MGAM: variants seen among roughly 807,000 people sequenced by gnomAD.
The protein encoded by MGAM is maltase-glucoamylase, also known as alpha-1,4-glucosidase.
MGAM carries 253 observed loss-of-function variants against 358.8 expected under a neutral mutation model. That is an observed-to-expected ratio of 0.71 (90% confidence interval 0.64 to 0.78). The LOEUF (loss-of-function observed/expected upper bound fraction) is 0.78. MGAM is among the 30% of genes least tolerant of loss of function. MGAM has a pLI of 0.00. For synonymous variants in MGAM, 1,105 were observed against 1,227.1 expected, an observed-to-expected ratio of 0.90 and a Z score of 2.08; for missense variants, 3,080 against 3,432.6, an observed-to-expected ratio of 0.90 and a Z score of 2.57.
chr7:142,016,432 C>A, intron 3 of MGAM, among the ~76,000 whole-genome samples: 1 of 152,118 alleles, frequency 6.6e-6, no homozygotes, highest in East Asian at 1.9e-4. Context: ...CCTTGTGATT[C>A]TTTAAACTTT....
At chr7:142,103,535 G>A in intron 70 of MGAM, 96 bp downstream of exon 70, 1 of 1,222,726 alleles carries the variant, frequency 8.2e-7, no homozygotes, top group African/African-American at 1.5e-5. Flanking sequence ...GCCCTCTCCT[G>A]CCAGGCCCTC....
intron 21 of MGAM, among the ~76,000 whole-genome samples, chr7:142,045,521 TATATG>T (rs1283408573): frequency 2.0e-5 from 2 of 101,912 alleles, no homozygotes; most frequent in Admixed American, 1.4e-4. Context: ...ATACATATAA[TATATG>T]ATATAATATA....
At chr7:142,029,222 T>C (rs889013131) in intron 10 of MGAM, among the ~76,000 whole-genome samples, 1 of 152,060 alleles carries the variant, frequency 6.6e-6, no homozygotes. Flanking sequence ...TAGCTGGGCA[T>C]GGTGGCAGGT....
In MGAM at chr7:142,100,874, T is replaced by G; in HGVS notation, c.7947T>G (p.Asp2649Glu). The G allele has an allele frequency of 6.2e-7, 1 of 1,613,172 alleles. No individual in the cohort carries two copies. Among genetic ancestry groups the G allele is most frequent in the Non-Finnish European group, 8.5e-7 (1 of 1,179,624 alleles). Residue 2649 changes from aspartate to glutamate, a missense_variant, in exon 68 of 71, where the codon GAT becomes GAG. Physicochemically the swap from Asp to Glu is conservative, Grantham distance 45. This residue lies in a region of MGAM where 194 missense variants were observed against 172.8 expected (regional missense o/e 1.12). Transcript: ENST00000475668. ...CTGCTGGGGGCTGGCTCTTCTGGGA[T>G]GATGGGCAAAGCATTGGTGAGTAGA... is the stretch of plus-strand genomic sequence containing the variant. ...EGTAGGWLFW[D>E]DGQSIDTYGK...
In MGAM at chr7:142,076,221, T is replaced by C. The variant is rs376049617; in HGVS notation, c.5294T>C (p.Val1765Ala). 2.1e-4 allele frequency: 318 copies of C among 1,547,608 alleles called. 46 individuals carry two copies. The highest frequency in any genetic ancestry group is 2.7e-4 in the Non-Finnish European group (307 of 1,127,406). Reference sequence around the variant, plus strand: ...CTTTCAGATACTGTGGCCAAGAAAGTATATCTTTTATGTGAGTTTTCTGTC... The same window carrying C: ...CTTTCAGATACTGTGGCCAAGAAAGCATATCTTTTATGTGAGTTTTCTGTC... The part of the protein sequence containing the change: ...GQTKDTVAKK[V>A]YLLCEFSVTQ... The change falls in exon 46 of 71, where the codon GTA becomes GCA. Residue 1765 changes from valine to alanine, a missense_variant. Physicochemically the swap from Val to Ala is moderately conservative, Grantham distance 64. Around this residue, in one of 5 missense-constraint regions of MGAM, gnomAD observed 932 missense variants for 1,198.2 expected, o/e 0.78. Coordinates refer to ENST00000475668, the MANE Select transcript of MGAM (RefSeq NM_001365693.1).
intron 7 of MGAM, among the ~76,000 whole-genome samples, chr7:142,024,236 T>A (rs1806738949): frequency 6.7e-6 from 1 of 150,066 alleles, no homozygotes; most frequent in Non-Finnish European, 1.5e-5. Flanking sequence ...CTCAAAAAAA[T>A]AAAATAAAAT....
intron 25 of MGAM, 69 bp downstream of exon 25, chr7:142,052,515 C>T: frequency 7.0e-6 from 11 of 1,573,490 alleles, no homozygotes; most frequent in Non-Finnish European, 7.8e-6. Flanking sequence ...TTAAGCATAG[C>T]AGTGGTACTT....
intron 3 of MGAM, among the ~76,000 whole-genome samples, chr7:142,016,121 A>G (rs140240719): frequency 3.6e-4 from 55 of 152,176 alleles, no homozygotes; most frequent in African/African-American, 1.3e-3. Flanking sequence ...TTTGCTTTTG[A>G]CATAAAGTAC....
At chr7:142,089,592 A>G (rs1184175133) in intron 57 of MGAM, among the ~76,000 whole-genome samples, 4 of 145,892 alleles carry the variant, frequency 2.7e-5, no homozygotes, top group African/African-American at 7.3e-5. Context: ...GGAGTTCAAG[A>G]TCAACCTGAC....
chr7:142,051,255 T>G (rs1302874273), intron 24 of MGAM, among the ~76,000 whole-genome samples: 1 of 152,064 alleles, frequency 6.6e-6, no homozygotes, highest in Non-Finnish European at 1.5e-5. Flanking sequence ...AGGAAACTTG[T>G]GGTCAGGTTT....
At chr7:142,097,716 T>C in intron 66 of MGAM, 67 bp downstream of exon 66, 2 of 1,490,636 alleles carry the variant, frequency 1.3e-6, no homozygotes, top group South Asian at 1.1e-5. Flanking sequence ...TTAGATCTGA[T>C]AGACCTTAGG....
chr7:142,061,432 C>T (rs10258954), intron 34 of MGAM, among the ~76,000 whole-genome samples: 48 of 152,128 alleles, frequency 3.2e-4, no homozygotes, highest in African/African-American at 9.4e-4. Context: ...GCCCACGTCT[C>T]TCAAGATTCT....
chr7:142,009,423 A>G (rs541717140), intron 3 of MGAM, among the ~76,000 whole-genome samples: 9 of 152,140 alleles, frequency 5.9e-5, no homozygotes, highest in Non-Finnish European at 1.0e-4. Flanking sequence ...CAATAGCTCA[A>G]TTGAGCTGTA....
intron 70 of MGAM, among the ~76,000 whole-genome samples, chr7:142,104,052 C>T (rs1816651478): frequency 6.6e-6 from 1 of 152,122 alleles, no homozygotes; most frequent in Non-Finnish European, 1.5e-5. Context: ...CAGGTTTTCA[C>T]TGTGTTAGCC....
intron 21 of MGAM, among the ~76,000 whole-genome samples, chr7:142,042,020 TA>T (rs1267141585): frequency 3.6e-4 from 8 of 22,496 alleles, no homozygotes; most frequent in African/African-American, 1.6e-3. Flanking sequence ...ATATAATATA[TA>T]TATATTATAT....
chr7:141,998,121 A>G (rs1189162284), intron 1 of MGAM, among the ~76,000 whole-genome samples: 1 of 152,186 alleles, frequency 6.6e-6, no homozygotes, highest in Non-Finnish European at 1.5e-5. Flanking sequence ...TGGTTTGTCT[A>G]CTTTGCCTAA....
At chr7:141,998,562 C>T (rs985512121) in intron 1 of MGAM, among the ~76,000 whole-genome samples, 3 of 152,152 alleles carry the variant, frequency 2.0e-5, no homozygotes, top group Admixed American at 6.6e-5. Context: ...CAGTTTCATC[C>T]ATGTCCCTGC....
intron 16 of MGAM, among the ~76,000 whole-genome samples, 175 bp from the exon 17 acceptor site, chr7:142,035,994 C>G (rs144396450): frequency 6.6e-6 from 1 of 152,114 alleles, no homozygotes; most frequent in East Asian, 1.9e-4. Flanking sequence ...AGGTAACTTA[C>G]TCAAAGTCAT....
chr7:142,065,943 G>GTTTTT lies in MGAM; in HGVS notation c.4770+117_4770+121dup, dbSNP rs1288283027. The GTTTTT allele has an allele frequency of 6.2e-5, 40 of 645,828 alleles. 1 individual carries two copies. Among genetic ancestry groups the GTTTTT allele is most frequent in the Middle Eastern group, 4.0e-4 (1 of 2,514 alleles). The allele number at this position is 645,828 out of a possible 1,614,324, so 40.0% of individuals were successfully genotyped here. ...TCCTGGGATATCTTTAAAAAAAGGT[G>GTTTTT]TTTTTTTTTGTTTTGTTTTGTTTTG... On this transcript the variant is annotated intron_variant, in intron 40 of 70. Transcript: ENST00000475668.
Sources: allele counts gnomAD v4.1 joint callset (sites outside exome capture counted in the v4.1 genomes callset), GRCh38; gene constraint gnomAD v4.1.1; regional missense constraint gnomAD v4.1.1; transcripts MANE v1.5; gene names NCBI Gene and HGNC (gene_info 2026-07-23, HGNC 2026-07-21).